Variants in SLC7A11 observed in about 807,000 individuals in gnomAD.
The protein encoded by SLC7A11 is solute carrier family 7 member 11.
In SLC7A11, 35 loss-of-function variants were observed where a neutral mutation model predicts 54.5. The ratio of observed to expected loss-of-function variants is 0.64; its 90% CI spans 0.49 to 0.85. SLC7A11 has a LOEUF of 0.85. Among genes scored for constraint, SLC7A11 ranks in the 40% least tolerant of loss-of-function variants. SLC7A11 has a pLI of 0.00. For synonymous variants in SLC7A11, 230 were observed against 225.2 expected (o/e 1.02, Z -0.19); for missense variants, 583 against 618.1 (o/e 0.94, Z 0.60).
chr4:138,179,625 C>A (rs750875900), intron 10 of SLC7A11, among the ~76,000 whole-genome samples: 1 of 152,082 alleles, frequency 6.6e-6, no homozygotes, highest in African/African-American at 2.4e-5. Context: ...GTTTTTAAAT[C>A]TTTGGCTAGA....
At chr4:138,196,158 T>C (rs1187267849) in intron 6 of SLC7A11, among the ~76,000 whole-genome samples, 2 of 152,150 alleles carry the variant, frequency 1.3e-5, no homozygotes, top group East Asian at 3.8e-4. Flanking sequence ...ACACTGCCCC[T>C]AGCCAAAATT....
chr4:138,209,417 C>T (rs1253365916), intron 6 of SLC7A11, among the ~76,000 whole-genome samples: 8 of 151,858 alleles, frequency 5.3e-5, no homozygotes, highest in Non-Finnish European at 7.4e-5. Context: ...GCTGTATCTA[C>T]CTAAAAAATA....
At position 138,219,941 on chromosome 4, in the gene SLC7A11, C is replaced by CTTTT. The variant is rs5862370; in HGVS notation, c.647-580_647-577dup. On this transcript the variant is annotated intron_variant, in intron 4 of 11. Transcript: ENST00000280612. ...GTGTCAACCCAAACTGCAAGCCTTT[C>CTTTT]TTTTTTTATTTTTTTCAAGATGGAG... Among the ~76,000 whole-genome samples, 4 of 143,552 alleles carry CTTTT rather than the reference C, an allele frequency of 2.8e-5. 1 individual carries two copies. Among genetic ancestry groups the CTTTT allele is most frequent in the African/African-American group, 5.2e-5 (2 of 38,780 alleles). The allele number at this position is 143,552 out of a possible 152,430, so 94.2% of individuals were successfully genotyped here. A position where few individuals can be genotyped will look rare whatever the true frequency, so the allele number is the denominator to read the frequency against.
At chr4:138,233,460 A>G (rs1738131453) in intron 2 of SLC7A11, among the ~76,000 whole-genome samples, 1 of 152,148 alleles carries the variant, frequency 6.6e-6, no homozygotes, top group African/African-American at 2.4e-5. Context: ...CTGGGATTAC[A>G]GGCGTGAGCC....
intron 9 of SLC7A11, among the ~76,000 whole-genome samples, chr4:138,181,311 T>C (rs924951204): frequency 5.9e-5 from 9 of 152,008 alleles, no homozygotes; most frequent in African/African-American, 2.2e-4. Context: ...CATTGACCTT[T>C]TTTCCTCCAC....
Position 138,233,755 on chromosome 4 carries a change from T to C in SLC7A11, c.405-1373A>G, listed in dbSNP as rs1738139923. ...TATAATTTAAAATCTGATTATGTCA[T>C]TTTAGTGCTTTCAAAATATGTTCAG... On this transcript the variant is annotated intron_variant, in intron 2 of 11. Transcript: ENST00000280612. 2.0e-5 allele frequency among the ~76,000 whole-genome samples: 3 copies of C among 152,188 alleles called. 1 individual carries two copies.
chr4:138,169,794 A>C lies in SLC7A11; in HGVS notation c.*2162T>G, dbSNP rs1199062840. ...ACATATCATAGGGAGAGATGTGGAC[A>C]AATGAACAATATTTACTGGAAATAG... On this transcript the variant is annotated 3_prime_UTR_variant, in exon 12 of 12. Transcript: ENST00000280612. The C allele has an allele frequency of 6.6e-6, 1 of 152,152 alleles. No individual in the cohort carries two copies. Among genetic ancestry groups the C allele is most frequent in the African/African-American group, 2.4e-5 (1 of 41,454 alleles). The allele number at this position is 152,152 out of a possible 1,614,324, so 9.4% of individuals were successfully genotyped here.
rs1235075016 is a variant in SLC7A11, at chr4:138,165,796, A to G, written c.*6160T>C. The G allele has an allele frequency of 1.3e-5, 2 of 152,180 alleles. No individual in the cohort carries two copies. Among genetic ancestry groups the G allele is most frequent in the African/African-American group, 2.4e-5 (1 of 41,452 alleles). The allele number at this position is 152,180 out of a possible 1,614,324, so 9.4% of individuals were successfully genotyped here. On this transcript the variant is annotated 3_prime_UTR_variant, in exon 12 of 12. Transcript: ENST00000280612. Reference sequence around the variant, plus strand: ...TTCTTAAGACTTAAGTAGGAAATTTATAGAAATTTGATTTATACCAGTAGT... The same window carrying G: ...TTCTTAAGACTTAAGTAGGAAATTTGTAGAAATTTGATTTATACCAGTAGT...
At chr4:138,226,570 C>A (rs992814061) in intron 3 of SLC7A11, among the ~76,000 whole-genome samples, 1 of 122,476 alleles carries the variant, frequency 8.2e-6, no homozygotes, top group African/African-American at 2.7e-5. Context: ...AGGCAGCCAG[C>A]GAGAGGTACA....
intron 6 of SLC7A11, among the ~76,000 whole-genome samples, chr4:138,197,987 A>G (rs532146327): frequency 1.3e-5 from 2 of 150,672 alleles, no homozygotes; most frequent in African/African-American, 4.8e-5. Flanking sequence ...TCAATATAAT[A>G]TAATGTAAGT....
chr4:138,179,258 A>G lies in SLC7A11; in HGVS notation c.1403T>C (p.Ile468Thr), dbSNP rs1438684712. ...CCACCTGGGTTTCTTGTCCCATATA[A>G]TAAAGAGATAATACGCAGGGACTCC... ...LTGVPAYYLF[I>T]IWDKKPRWFR... is the part of the protein sequence containing the mutation. The change falls in exon 11 of 12, where the codon ATT becomes ACT. Residue 468 changes from isoleucine (I) to threonine (T), a missense_variant. Physicochemically the swap from Ile to Thr is moderately conservative, Grantham distance 89 (BLOSUM62 -1). Transcript: ENST00000280612. 1.2e-6 allele frequency: 2 copies of G among 1,612,292 alleles called. No individual in the cohort carries two copies. The highest frequency in any genetic ancestry group is 1.7e-6 in the Non-Finnish European group (2 of 1,178,640).
intron 9 of SLC7A11, among the ~76,000 whole-genome samples, chr4:138,181,815 GAC>G (rs1243238042): frequency 6.6e-6 from 1 of 152,080 alleles, no homozygotes; most frequent in Admixed American, 6.6e-5. Flanking sequence ...CAGGATAAAA[GAC>G]ACTTGCTCTC....
At chr4:138,240,021 T>G (rs1738339349) in intron 1 of SLC7A11, among the ~76,000 whole-genome samples, 2 of 152,210 alleles carry the variant, frequency 1.3e-5, no homozygotes, top group African/African-American at 4.8e-5. Flanking sequence ...ATACCAGAGC[T>G]ATTTTAATAT....
At position 138,171,808 on chromosome 4, in the gene SLC7A11, C is replaced by A. The variant is rs147779557; in HGVS notation, c.*148G>T. On this transcript the variant is annotated 3_prime_UTR_variant, in exon 12 of 12. Transcript: ENST00000280612. ...TAACTAAATTTCTTAGAAATTAGTT[C>A]GAATATGCTAAAATATATGAATAAA... 3 of 997,418 alleles carry A rather than the reference C, an allele frequency of 3.0e-6. No homozygotes were observed. The highest frequency in any genetic ancestry group is 4.2e-6 in the Non-Finnish European group (3 of 710,400). The allele number at this position is 997,418 out of a possible 1,614,324, so 61.8% of individuals were successfully genotyped here.
chr4:138,235,804 G>A (rs1194609917), intron 2 of SLC7A11, among the ~76,000 whole-genome samples: 1 of 152,170 alleles, frequency 6.6e-6, no homozygotes, highest in South Asian at 2.1e-4. Flanking sequence ...TTCCTAATCT[G>A]TTTAATATAA....
In SLC7A11 at chr4:138,241,923, T is replaced by C; in HGVS notation, c.147A>G (p.Gly49=). 6.2e-7 allele frequency: 1 copy of C among 1,613,926 alleles called. No homozygotes were observed. ...QLKRKVTLLR[G]VSIIIGTIIG... Reference sequence around the variant, plus strand: ...TGATGGTGCCAATGATAATGGAGACTCCCCTCAGTAAAGTGACTTTCCTCT... The same window carrying C: ...TGATGGTGCCAATGATAATGGAGACCCCCCTCAGTAAAGTGACTTTCCTCT... The change falls in exon 1 of 12, where the codon GGA becomes GGG. Residue 49 remains glycine, a synonymous_variant. Coordinates refer to ENST00000280612, the MANE Select transcript of SLC7A11 (RefSeq NM_014331.4).
chr4:138,197,209 T>C (rs762064438), intron 6 of SLC7A11, among the ~76,000 whole-genome samples: 7 of 152,140 alleles, frequency 4.6e-5, no homozygotes, highest in Non-Finnish European at 8.8e-5. Context: ...TAATTAAATT[T>C]ATTCATGTTT....
intron 6 of SLC7A11, among the ~76,000 whole-genome samples, chr4:138,189,497 T>C (rs1174275923): frequency 6.6e-6 from 1 of 152,146 alleles, no homozygotes; most frequent in African/African-American, 2.4e-5. Flanking sequence ...TGGTATATCT[T>C]GTCACAATGT....
chr4:138,188,599 G>C (rs145551270), intron 6 of SLC7A11, among the ~76,000 whole-genome samples: 1 of 152,272 alleles, frequency 6.6e-6, no homozygotes, highest in African/African-American at 2.4e-5. Context: ...GAGCCACTGG[G>C]TGAACTGATA....
Sources: gnomAD v4.1 joint callset for allele counts (sites outside exome capture counted in the v4.1 genomes callset) on GRCh38, gnomAD v4.1.1 for gene constraint, MANE v1.5 for transcripts, NCBI Gene and HGNC (gene_info 2026-07-23, HGNC 2026-07-21) for gene names.